Variants in FOXN3 observed in about 807,000 individuals in gnomAD.
FOXN3 encodes forkhead box N3.
Under a neutral mutation model 38.4 loss-of-function variants are expected in FOXN3, and 7 were observed. The observed-to-expected ratio is 0.18, with a 90% CI of 0.10 to 0.34. FOXN3 has a LOEUF of 0.34. FOXN3 is among the 10% of genes least tolerant of loss of function. FOXN3 has a pLI of 1.00. For synonymous variants in FOXN3, 230 were observed against 242.2 expected (o/e 0.95, Z 0.47); for missense variants, 456 against 613.4 (o/e 0.74, Z 2.71).
intron 1 of FOXN3, among the ~76,000 whole-genome samples, chr14:89,575,778 G>T: frequency 6.6e-6 from 1 of 152,168 alleles, no homozygotes; most frequent in East Asian, 1.9e-4. Flanking sequence ...CCCAGTTCAC[G>T]CTTTTGTCTA....
chr14:89,544,394 C>A (rs1284263724), intron 1 of FOXN3, among the ~76,000 whole-genome samples: 1 of 151,702 alleles, frequency 6.6e-6, no homozygotes, highest in Non-Finnish European at 1.5e-5. Flanking sequence ...AATGTAATAG[C>A]GTGATCACAG....
chr14:89,593,536 T>G (rs969796170), intron 1 of FOXN3, among the ~76,000 whole-genome samples: 2 of 152,184 alleles, frequency 1.3e-5, no homozygotes, highest in Non-Finnish European at 2.9e-5. Context: ...ATAAACAGAA[T>G]GTCAATTCAA....
intron 4 of FOXN3, among the ~76,000 whole-genome samples, chr14:89,269,698 C>T (rs1346646932): frequency 6.6e-6 from 1 of 152,050 alleles, no homozygotes; most frequent in Non-Finnish European, 1.5e-5. Flanking sequence ...GGAGAGGTGG[C>T]CTTTTGACAT....
chr14:89,608,042 G>A (rs1386659810), intron 1 of FOXN3, among the ~76,000 whole-genome samples: 5 of 150,066 alleles, frequency 3.3e-5, no homozygotes, highest in East Asian at 4.0e-4. Flanking sequence ...GCAGTGGCGC[G>A]ATCTCAGCTC....
intron 4 of FOXN3, among the ~76,000 whole-genome samples, chr14:89,268,917 A>G (rs10133250): frequency 0.094 from 14,295 of 152,280 alleles, 772 homozygotes; most frequent in African/African-American, 0.15. Flanking sequence ...TGAAAACTTC[A>G]TAACTATTTC....
intron 1 of FOXN3, among the ~76,000 whole-genome samples, chr14:89,608,429 C>T (rs1266032300): frequency 6.6e-6 from 1 of 152,398 alleles, no homozygotes; most frequent in African/African-American, 2.4e-5. Flanking sequence ...CGTGGGCCAC[C>T]GCGCCCGGCC....
chr14:89,215,137 C>A (rs1884229002), intron 4 of FOXN3, among the ~76,000 whole-genome samples: 1 of 151,754 alleles, frequency 6.6e-6, no homozygotes, highest in South Asian at 2.1e-4. Context: ...TTTTAAAATC[C>A]AAACTAGTTA....
intron 4 of FOXN3, among the ~76,000 whole-genome samples, chr14:89,245,789 A>C (rs1317567096): frequency 6.6e-6 from 1 of 152,208 alleles, no homozygotes; most frequent in Non-Finnish European, 1.5e-5. Context: ...TTAAACAAAC[A>C]AACTCCTGAG....
chr14:89,301,969 C>A (rs1311967599), intron 3 of FOXN3, among the ~76,000 whole-genome samples: 1 of 152,114 alleles, frequency 6.6e-6, no homozygotes, highest in Non-Finnish European at 1.5e-5. Flanking sequence ...CCTGTACCAA[C>A]CTTTTCCTTG....
upstream of FOXN3, among the ~76,000 whole-genome samples, chr14:89,418,033 C>T (rs1891801710): frequency 2.0e-5 from 3 of 152,254 alleles, no homozygotes; most frequent in African/African-American, 4.8e-5. Context: ...GCAGCCACCA[C>T]TCTAAGTCTC....
At chr14:89,482,856 G>A (rs999446975) in intron 1 of FOXN3, among the ~76,000 whole-genome samples, 1 of 150,088 alleles carries the variant, frequency 6.7e-6, no homozygotes, top group Non-Finnish European at 1.5e-5. Flanking sequence ...GCTACAGTGA[G>A]CCATGATCAC....
chr14:89,168,796 C>A (rs553368700), intron 5 of FOXN3, among the ~76,000 whole-genome samples: 2 of 152,284 alleles, frequency 1.3e-5, no homozygotes, highest in African/African-American at 4.8e-5. Context: ...AAAATAAAGT[C>A]CATACGGAGA....
chr14:89,196,167 T>G (rs1888094350), intron 4 of FOXN3, among the ~76,000 whole-genome samples: 1 of 152,372 alleles, frequency 6.6e-6, no homozygotes, highest in African/African-American at 2.4e-5. Context: ...AAAGATGTTT[T>G]CAAATCCTCT....
At position 89,392,684 on chromosome 14, in the gene FOXN3, G is replaced by A. The variant is rs1382348811; in HGVS notation, c.543+19250C>T. 4.2e-5 allele frequency among the ~76,000 whole-genome samples: 6 copies of A among 143,100 alleles called. No individual in the cohort carries two copies. In the East Asian group the frequency reaches 1.1e-3, roughly 27 times the overall value. 93.9% of individuals were successfully genotyped at this position (143,100 alleles called of 152,430 possible). ...GAGATGGAGTCTCATTCTGTCACCC[G>A]GGCTGGAGTACAGAGGTGCAATCTC... On this transcript the variant is annotated intron_variant, in intron 2 of 5. Coordinates refer to ENST00000557258, the MANE Select transcript of FOXN3 (RefSeq NM_005197.4).
intron 4 of FOXN3, among the ~76,000 whole-genome samples, chr14:89,181,406 C>A (rs927622592): frequency 6.6e-6 from 1 of 152,172 alleles, no homozygotes; most frequent in African/African-American, 2.4e-5. Flanking sequence ...TATCCTTAAT[C>A]CAACAAGGGG....
rs72701677 is a variant in FOXN3 at position 89,344,450 on chromosome 14, T to C, written c.680+6222A>G. Among the ~76,000 whole-genome samples the C allele has an allele frequency of 4.9e-3, 749 of 152,302 alleles. 3 individuals are homozygous for C. Among genetic ancestry groups the C allele is most frequent in the Middle Eastern group, 0.014 (4 of 294 alleles). ...GAAACTCTCCATAAACCATACTGTT[T>C]GATTAAATGCAAAACCTGTTCTCCA... On this transcript the variant is annotated intron_variant, in intron 3 of 5. Transcript: ENST00000557258.
intron 1 of FOXN3, among the ~76,000 whole-genome samples, chr14:89,457,891 G>A (rs1454381260): frequency 1.3e-5 from 2 of 152,150 alleles, no homozygotes; most frequent in East Asian, 1.9e-4. Flanking sequence ...GCACATGCCT[G>A]TAATCCCAGC....
chr14:89,428,453 G>C (rs940600208), intron 1 of FOXN3, among the ~76,000 whole-genome samples: 1 of 152,152 alleles, frequency 6.6e-6, no homozygotes, highest in Non-Finnish European at 1.5e-5. Flanking sequence ...GTCGGGGCTG[G>C]AAAGGAAGCA....
At chr14:89,518,591 A>G (rs891467647) in intron 1 of FOXN3, among the ~76,000 whole-genome samples, 7 of 152,226 alleles carry the variant, frequency 4.6e-5, no homozygotes, top group African/African-American at 1.7e-4. Flanking sequence ...GGGGGTCTCT[A>G]TTACTTGCAA....
Sources: allele counts gnomAD v4.1 joint callset (sites outside exome capture counted in the v4.1 genomes callset), GRCh38; gene constraint gnomAD v4.1.1; transcripts MANE v1.5; gene names NCBI Gene and HGNC (gene_info 2026-07-23, HGNC 2026-07-21).